The following ADCY1 variants were observed in gnomAD, a reference collection of about 807,000 sequenced individuals.
The protein encoded by ADCY1 is adenylate cyclase 1, also known as adenylate cyclase type 1.
In ADCY1, 28 loss-of-function variants were observed where a neutral mutation model predicts 105.4. The ratio of observed to expected loss-of-function variants is 0.27; its 90% CI spans 0.20 to 0.36. ADCY1 has a LOEUF of 0.36. ADCY1 is among the 10% of genes least tolerant of loss of function. ADCY1 has a pLI of 1.00. For missense variants in ADCY1, 977 were observed against 1,434.2 expected, an observed-to-expected ratio of 0.68 and a Z score of 5.15; for synonymous variants, 655 against 623.8, an observed-to-expected ratio of 1.05 and a Z score of -0.75.
Position 45,574,601 on chromosome 7 carries a change from G to A in ADCY1, c.58G>A (p.Gly20Ser). The change falls in exon 1 of 20, where the codon GGC becomes AGC. Residue 20 changes from glycine to serine, a missense_variant. Physicochemically the swap from Gly to Ser is moderately conservative, Grantham distance 56. Around this residue, in one of 7 missense-constraint regions of ADCY1, gnomAD observed 209 missense variants for 222.5 expected, o/e 0.94. Transcript: ENST00000297323. This position sits in a 1 kb window ranked among gnomAD's most constrained non-coding sequence, Gnocchi z 7.0. ...CGGAGGCGGCGCGGGCGAGCCCGGG[G>A]GCGCCGAGCGGGCGGCCGGGACAAG... ...GGGGGAGEPG[G>S]AERAAGTSRR... is the part of the protein sequence containing the mutation. The A allele has an allele frequency of 9.0e-7, 1 of 1,113,954 alleles. No homozygotes were observed. The highest frequency in any genetic ancestry group is 1.1e-6 in the Non-Finnish European group (1 of 913,984). 69.0% of individuals were successfully genotyped at this position (1,113,954 alleles called of 1,614,324 possible). A position where few individuals can be genotyped will look rare whatever the true frequency, so the allele number is the denominator to read the frequency against.
chr7:45,712,509 T>A (rs1562736433), intron 19 of ADCY1, among the ~76,000 whole-genome samples: 1 of 152,082 alleles, frequency 6.6e-6, no homozygotes, highest in Non-Finnish European at 1.5e-5. Flanking sequence ...CAGCCAGGTG[T>A]CTCCTGGCTG....
intron 11 of ADCY1, among the ~76,000 whole-genome samples, chr7:45,682,320 T>C (rs4724425): frequency 0.57 from 87,108 of 152,016 alleles, 27,775 homozygotes; most frequent in South Asian, 0.72. Context: ...AGGGTCCTGC[T>C]GAGGGTTGAA....
rs367735209 is a variant in ADCY1, at chr7:45,677,955, C to A, written c.1692C>A (p.Arg564=). Residue 564 remains arginine, a synonymous_variant, in exon 9 of 20, where the codon CGC becomes CGA. Transcript: ENST00000297323. ...TTGTCTACACCACCCCGGGCACTCG[C>A]GTCAACAGGTACATCAGCCGCCTCT... The part of the protein sequence containing the change: ...TNVVYTTPGT[R]VNRYISRLLE... The A allele has an allele frequency of 3.1e-6, 5 of 1,614,226 alleles. No homozygotes were observed. Among genetic ancestry groups the A allele is most frequent in the Middle Eastern group, 1.6e-4 (1 of 6,062 alleles).
intron 4 of ADCY1, among the ~76,000 whole-genome samples, chr7:45,631,669 A>G (rs901820244): frequency 1.3e-5 from 2 of 152,256 alleles, no homozygotes; most frequent in African/African-American, 4.8e-5. Flanking sequence ...AAAACACAAC[A>G]TAGTGTATTC....
At chr7:45,635,601 G>GGTTTTT (rs1794379951) in intron 4 of ADCY1, among the ~76,000 whole-genome samples, 1 of 57,198 alleles carries the variant, frequency 1.7e-5, no homozygotes, top group African/African-American at 7.0e-5. Flanking sequence ...AATTTCTCTT[G>GGTTTTT]TTTTTTTTTT....
chr7:45,639,790 T>C (rs1794490063), intron 4 of ADCY1, among the ~76,000 whole-genome samples: 1 of 152,042 alleles, frequency 6.6e-6, no homozygotes, highest in Non-Finnish European at 1.5e-5. Context: ...GACTGGTCAG[T>C]GTGGTGAGGT....
intron 5 of ADCY1, among the ~76,000 whole-genome samples, chr7:45,650,329 T>A (rs990564946): frequency 6.6e-6 from 1 of 152,198 alleles, no homozygotes; most frequent in African/African-American, 2.4e-5. Flanking sequence ...ATGTCATAAA[T>A]GACATTATAT....
chr7:45,640,745 C>G (rs1794508538), intron 4 of ADCY1, among the ~76,000 whole-genome samples: 2 of 152,134 alleles, frequency 1.3e-5, no homozygotes, highest in African/African-American at 4.8e-5. Flanking sequence ...TATAGGGGAC[C>G]AAACATCCTT....
intron 14 of ADCY1, among the ~76,000 whole-genome samples, chr7:45,701,260 G>A (rs1370195208): frequency 6.6e-6 from 1 of 152,058 alleles, no homozygotes; most frequent in Middle Eastern, 3.2e-3. Flanking sequence ...AAAATAAGTG[G>A]CACAGGGAAA....
At chr7:45,661,760 T>C (rs1012104446) in intron 7 of ADCY1, among the ~76,000 whole-genome samples, 1 of 152,194 alleles carries the variant, frequency 6.6e-6, no homozygotes, top group Non-Finnish European at 1.5e-5. Context: ...TTGTCTTTCC[T>C]GACCAGGGCC....
chr7:45,662,009 A>G, intron 7 of ADCY1, 50 bp from the exon 8 acceptor site: 1 of 1,584,064 alleles, frequency 6.3e-7, no homozygotes, highest in Non-Finnish European at 8.6e-7. Context: ...CGAGAGGCAC[A>G]ATGTGTCTCA....
intron 3 of ADCY1, among the ~76,000 whole-genome samples, chr7:45,621,612 C>G (rs1255338964): frequency 6.6e-6 from 1 of 152,182 alleles, no homozygotes; most frequent in Non-Finnish European, 1.5e-5. Flanking sequence ...AATAGTGGAG[C>G]TGGATAGTTC....
Position 45,716,796 on chromosome 7 carries a change from G to A in ADCY1, c.*2801G>A, listed in dbSNP as rs566693967. The A allele has an allele frequency of 6.6e-6, 1 of 152,466 alleles. No individual in the cohort carries two copies. The highest frequency in any genetic ancestry group is 2.1e-4 in the South Asian group (1 of 4,826). The allele number at this position is 152,466 out of a possible 1,614,324, so 9.4% of individuals were successfully genotyped here. A position where few individuals can be genotyped will look rare whatever the true frequency, so the allele number is the denominator to read the frequency against. Reference sequence around the variant, plus strand: ...TGGGAGGGGAACTTGGTTTATCTGGGTGGGCTCAGTGACCCCTTGGAATGG... The same window carrying A: ...TGGGAGGGGAACTTGGTTTATCTGGATGGGCTCAGTGACCCCTTGGAATGG... On this transcript the variant is annotated 3_prime_UTR_variant, in exon 20 of 20. Coordinates refer to ENST00000297323, the MANE Select transcript of ADCY1 (RefSeq NM_021116.4).
chr7:45,607,042 A>G (rs1793394241), intron 2 of ADCY1, among the ~76,000 whole-genome samples: 1 of 151,688 alleles, frequency 6.6e-6, no homozygotes, highest in South Asian at 2.1e-4. Context: ...GCTGAGTCTT[A>G]TCAGATGGCA....
At chr7:45,629,292 T>A (rs750053351) in intron 4 of ADCY1, among the ~76,000 whole-genome samples, 10 of 152,198 alleles carry the variant, frequency 6.6e-5, no homozygotes, top group Non-Finnish European at 1.2e-4. Flanking sequence ...CAGTACTTCA[T>A]TCCTTTTCAT....
chr7:45,641,566 A>G (rs900252041), intron 4 of ADCY1, among the ~76,000 whole-genome samples: 5 of 151,922 alleles, frequency 3.3e-5, no homozygotes, highest in Non-Finnish European at 7.4e-5. Context: ...ATCATACCCA[A>G]CCAAACTGAT....
chr7:45,667,942 T>C (rs921508243), intron 8 of ADCY1, among the ~76,000 whole-genome samples: 1 of 152,200 alleles, frequency 6.6e-6, no homozygotes, highest in African/African-American at 2.4e-5. Flanking sequence ...CTGTTATTGG[T>C]GTATAAGAAT....
rs980410413 is a variant in ADCY1, at chr7:45,715,778, C to T, written c.*1783C>T. The T allele has an allele frequency of 6.5e-6, 1 of 152,774 alleles. No individual in the cohort carries two copies. The highest frequency in any genetic ancestry group is 1.5e-5 in the Non-Finnish European group (1 of 68,508). 9.5% of individuals were successfully genotyped at this position (152,774 alleles called of 1,614,324 possible). A position where few individuals can be genotyped will look rare whatever the true frequency, so the allele number is the denominator to read the frequency against. On this transcript the variant is annotated 3_prime_UTR_variant, in exon 20 of 20. Coordinates refer to ENST00000297323, the MANE Select transcript of ADCY1 (RefSeq NM_021116.4). ...AGACAGGAGTCCGGACAGAGGTGGG[C>T]AGGGTGGATGGCTTCGGGCAGGGAA...
At position 45,704,827 on chromosome 7, in the gene ADCY1, C is replaced by T. The variant is rs544949259; in HGVS notation, c.2817+211C>T. On this transcript the variant is annotated intron_variant, in intron 17 of 19. Transcript: ENST00000297323. Reference sequence around the variant, plus strand: ...GCACAGAAGGCACCGGAGCTTCCTCCAGCCCCAGCCCTGCCCTGCTAGACA... The same window carrying T: ...GCACAGAAGGCACCGGAGCTTCCTCTAGCCCCAGCCCTGCCCTGCTAGACA... Among the ~76,000 whole-genome samples, 8 of 152,214 alleles carry T rather than the reference C, an allele frequency of 5.3e-5. No homozygotes were observed. The South Asian group carries it at 1.7e-3, about 32-fold the overall frequency.
Sources: allele counts gnomAD v4.1 joint callset (sites outside exome capture counted in the v4.1 genomes callset), GRCh38; gene constraint gnomAD v4.1.1; regional missense constraint gnomAD v4.1.1; non-coding constraint Gnocchi (gnomAD v3.1); transcripts MANE v1.5; gene names NCBI Gene and HGNC (gene_info 2026-07-23, HGNC 2026-07-21).